Variants in POC5 observed in about 807,000 individuals in gnomAD.
POC5 encodes the protein POC5 centriolar protein.
A neutral mutation model predicts 62.9 loss-of-function variants in POC5; 48 were observed. The observed-to-expected ratio is 0.76, with a 90% confidence interval of 0.61 to 0.97. POC5 has a LOEUF of 0.97. Among genes scored for constraint, POC5 ranks in the 50% least tolerant of loss-of-function variants. The pLI is 0.00. For synonymous variants in POC5, 236 were observed against 228.2 expected, an observed-to-expected ratio of 1.03 and a Z score of -0.31; for missense variants, 696 against 679.5, an observed-to-expected ratio of 1.02 and a Z score of -0.27.
In POC5 at chr5:75,712,927, T is replaced by C; in HGVS notation, c.11A>G (p.Asp4Gly). 1 of 1,611,242 alleles carries C rather than the reference T, an allele frequency of 6.2e-7. No individual in the cohort carries two copies. The highest frequency in any genetic ancestry group is 8.5e-7 in the Non-Finnish European group (1 of 1,178,464). Reference protein sequence around the residue: MSSDEEKYSLPVVQ... With the variant: MSSGEEKYSLPVVQ... ...AACTGGAAGTGAGTATTTCTCCTCATCTGATGACATTCTGCACAAATGCTC... is the reference window on the plus strand; with the variant it reads ...AACTGGAAGTGAGTATTTCTCCTCACCTGATGACATTCTGCACAAATGCTC... Residue 4 changes from aspartate to glycine, a missense_variant, in exon 2 of 12, where the codon GAT (aspartate) becomes GGT (glycine). Transcript: ENST00000428202.
chr5:75,700,139 C>G, intron 5 of POC5, among the ~76,000 whole-genome samples: 1 of 152,004 alleles, frequency 6.6e-6, no homozygotes, highest in East Asian at 1.9e-4. Flanking sequence ...AATGGCCATA[C>G]TGCCCAAGGT....
intron 3 of POC5, among the ~76,000 whole-genome samples, chr5:75,707,229 T>G (rs1777157412): frequency 6.6e-6 from 1 of 152,186 alleles, no homozygotes; most frequent in African/African-American, 2.4e-5. Flanking sequence ...ACATCCTGGT[T>G]TATAGTAGCT....
At chr5:75,702,890 A>G (rs1196701332) in intron 4 of POC5, 80 bp from the exon 5 acceptor site, 1 of 1,101,446 alleles carries the variant, frequency 9.1e-7, no homozygotes, top group Admixed American at 2.5e-5. Flanking sequence ...GGAAGGCTAA[A>G]AGACGTCTGC....
intron 10 of POC5, among the ~76,000 whole-genome samples, chr5:75,684,586 C>T (rs1188889194): frequency 2.0e-5 from 3 of 152,042 alleles, no homozygotes; most frequent in Non-Finnish European, 4.4e-5. Context: ...TGGTCTTGAA[C>T]TTCTGACCTC....
In POC5 at chr5:75,685,026, C is replaced by T. The variant is rs186811879; in HGVS notation, c.1407+181G>A. Among the ~76,000 whole-genome samples the T allele has an allele frequency of 1.2e-3, 180 of 152,166 alleles. 1 individual carries two copies. Among genetic ancestry groups the T allele is most frequent in the African/African-American group, 3.9e-3 (161 of 41,512 alleles). ...GGGACTACAGGCGGCTGCCACCACA[C>T]CCGGCTAATTTTTCGTATTTTTAGT... On this transcript the variant is annotated intron_variant, in intron 10 of 11. Transcript: ENST00000428202.
intron 7 of POC5, among the ~76,000 whole-genome samples, chr5:75,691,405 A>C (rs1438929216): frequency 6.6e-6 from 1 of 152,212 alleles, no homozygotes; most frequent in Admixed American, 6.5e-5. Flanking sequence ...TGTCAGCATG[A>C]CACCACAAGT....
At chr5:75,703,136 GCTTT>G (rs1293320055) in intron 4 of POC5, among the ~76,000 whole-genome samples, 1 of 152,148 alleles carries the variant, frequency 6.6e-6, no homozygotes, top group African/African-American at 2.4e-5. Context: ...TTAATGAAGT[GCTTT>G]CTGTTTCTGT....
chr5:75,699,822 T>C lies in POC5; in HGVS notation c.513+2783A>G, dbSNP rs889383394. ...ATGATTGTATATCTAGAAAACCCCA[T>C]TGTCTCAGCCCAAAATCTCCTTAAG... On this transcript the variant is annotated intron_variant, in intron 5 of 11. Transcript: ENST00000428202. Among the ~76,000 whole-genome samples the C allele has an allele frequency of 1.3e-4, 18 of 138,262 alleles. No individual in the cohort carries two copies. The South Asian group carries it at 2.4e-3, about 18-fold the overall frequency. The allele number at this position is 138,262 out of a possible 152,430, so 90.7% of individuals were successfully genotyped here. A position where few individuals can be genotyped will look rare whatever the true frequency, so the allele number is the denominator to read the frequency against.
At chr5:75,701,871 T>C (rs189147994) in intron 5 of POC5, among the ~76,000 whole-genome samples, 1 of 152,190 alleles carries the variant, frequency 6.6e-6, no homozygotes, top group South Asian at 2.1e-4. Context: ...GGAGTGGCTA[T>C]AAAATGAATA....
At chr5:75,693,117 TTATA>T (rs1274946739) in intron 6 of POC5, among the ~76,000 whole-genome samples, 1 of 147,978 alleles carries the variant, frequency 6.8e-6, no homozygotes, top group East Asian at 1.9e-4. Context: ...ACATAAAATG[TTATA>T]TATATAAGTA....
intron 1 of POC5, among the ~76,000 whole-genome samples, chr5:75,714,533 T>C (rs1028282223): frequency 6.6e-6 from 1 of 152,124 alleles, no homozygotes; most frequent in Admixed American, 6.5e-5. Flanking sequence ...ACAGTTGTGT[T>C]ATGGTGATGG....
At chr5:75,681,842 ATCTC>A (rs58285832) in intron 10 of POC5, among the ~76,000 whole-genome samples, 2 of 152,116 alleles carry the variant, frequency 1.3e-5, no homozygotes, top group Non-Finnish European at 1.5e-5. Flanking sequence ...AGGATTGCAA[ATCTC>A]TCTCTTCTTT....
chr5:75,702,794 T>C lies in POC5; in HGVS notation c.324A>G (p.Leu108=). The C allele has an allele frequency of 6.3e-7, 1 of 1,577,748 alleles. No individual in the cohort carries two copies. The highest frequency in any genetic ancestry group is 1.2e-5 in the South Asian group (1 of 86,146). Residue 108 remains leucine (L), a synonymous_variant, in exon 5 of 12, where the codon TTA becomes TTG. Transcript: ENST00000428202. ...HSKTDESSPV[L]SPRKPSHPVM... Reference sequence around the variant, plus strand: ...CTGGGTGAGAAGGCTTCCTTGGCGATAACACTGGTGATGACTCTGAATAAA... The same window carrying C: ...CTGGGTGAGAAGGCTTCCTTGGCGACAACACTGGTGATGACTCTGAATAAA...
chr5:75,704,944 AATCCCAGCACTTTG>A (rs1777056696), intron 4 of POC5, among the ~76,000 whole-genome samples: 2 of 152,230 alleles, frequency 1.3e-5, no homozygotes, highest in African/African-American at 4.8e-5. Flanking sequence ...TCATGCCTGT[AATCCCAGCACTTTG>A]GGAGGCCAGG....
intron 11 of POC5, 137 bp from the exon 12 acceptor site, chr5:75,674,715 G>T: frequency 8.8e-7 from 1 of 1,134,814 alleles, no homozygotes; most frequent in Non-Finnish European, 1.3e-6. Flanking sequence ...GTGGAGTGAA[G>T]CAGCTGTTAA....
chr5:75,690,331 T>C, intron 8 of POC5, 52 bp downstream of exon 8: 1 of 1,462,400 alleles, frequency 6.8e-7, no homozygotes, highest in Non-Finnish European at 9.2e-7. Context: ...AGTGAGTCTA[T>C]CTATCTTTTT....
intron 5 of POC5, among the ~76,000 whole-genome samples, 184 bp from the exon 6 acceptor site, chr5:75,695,015 C>T (rs948562597): frequency 6.6e-6 from 1 of 152,164 alleles, no homozygotes; most frequent in African/African-American, 2.4e-5. Context: ...GTGCAGTTCA[C>T]ATTCATCATA....
intron 1 of POC5, among the ~76,000 whole-genome samples, chr5:75,714,763 T>C (rs1230083292): frequency 6.6e-6 from 1 of 152,056 alleles, no homozygotes; most frequent in Non-Finnish European, 1.5e-5. Flanking sequence ...ATGCAGTCTG[T>C]GGTCACACTG....
At chr5:75,709,488 T>A (rs1290668479) in intron 2 of POC5, 3 of 148,392 alleles carry the variant, frequency 2.0e-5, no homozygotes, top group Non-Finnish European at 3.0e-5. Flanking sequence ...CTTAAAAAAA[T>A]TATTAAAAAA....
Sources: gnomAD v4.1 joint callset for allele counts (sites outside exome capture counted in the v4.1 genomes callset) on GRCh38, gnomAD v4.1.1 for gene constraint, MANE v1.5 for transcripts, NCBI Gene and HGNC (gene_info 2026-07-23, HGNC 2026-07-21) for gene names.